The following SAMD12 variants were observed in gnomAD, a reference collection of about 807,000 sequenced individuals.
The protein encoded by SAMD12 is sterile alpha motif domain-containing protein 12.
A neutral mutation model predicts 15.0 loss-of-function variants in SAMD12; 9 were observed. The observed-to-expected ratio is 0.60, with a 90% CI of 0.36 to 1.05. The LOEUF (loss-of-function observed/expected upper bound fraction) is 1.05, where lower values mean the gene tolerates loss of function less well. Ranked by LOEUF, SAMD12 falls within the 50% of genes least tolerant of loss-of-function variation. The pLI is 0.01. For missense variants in SAMD12, 230 were observed against 234.2 expected, an observed-to-expected ratio of 0.98 and a Z score of 0.12; for synonymous variants, 86 against 90.1, an observed-to-expected ratio of 0.96 and a Z score of 0.25.
At chr8:118,179,757 C>T in the SAMD12 span, among the ~76,000 whole-genome samples, 78 of 152,326 alleles carry the variant, frequency 5.1e-4, no homozygotes, top group African/African-American at 1.8e-3. Context: ...TTGCGGTTTA[C>T]TATCTGACTT....
intron 3 of SAMD12, among the ~76,000 whole-genome samples, chr8:118,419,344 A>G (rs1442132940): frequency 6.6e-6 from 1 of 152,224 alleles, no homozygotes; most frequent in Non-Finnish European, 1.5e-5. Flanking sequence ...TTTCACACTA[A>G]TATTCTATCA....
chr8:118,259,478 A>T (rs1043929716), intron 4 of SAMD12, among the ~76,000 whole-genome samples: 1 of 152,056 alleles, frequency 6.6e-6, no homozygotes, highest in African/African-American at 2.4e-5. Context: ...GGTCCTCATA[A>T]CAAAGAAGTC....
intron 3 of SAMD12, among the ~76,000 whole-genome samples, chr8:118,389,549 C>T (rs1468690250): frequency 1.3e-4 from 20 of 151,796 alleles, no homozygotes; most frequent in Non-Finnish European, 1.5e-5. Context: ...ACTAAAAATT[C>T]AAAAAAGAAA....
At chr8:118,320,678 G>C (rs1263694798) in intron 4 of SAMD12, among the ~76,000 whole-genome samples, 3 of 147,368 alleles carry the variant, frequency 2.0e-5, no homozygotes, top group African/African-American at 7.6e-5. Flanking sequence ...GGGGTGGGGG[G>C]GGTGGGGAGG....
At chr8:118,245,969 C>T (rs2514975) in intron 4 of SAMD12, among the ~76,000 whole-genome samples, 67,401 of 151,958 alleles carry the variant, frequency 0.44, 18,378 homozygotes, top group East Asian at 0.8. Context: ...GTAGGCAGCA[C>T]GGTGGTAGCA....
At chr8:118,383,986 T>G (rs186287028) in intron 3 of SAMD12, among the ~76,000 whole-genome samples, 26 of 152,070 alleles carry the variant, frequency 1.7e-4, no homozygotes, top group Admixed American at 4.6e-4. Flanking sequence ...TAGTCATAAG[T>G]GCTCTGAAGA....
the SAMD12 span, among the ~76,000 whole-genome samples, chr8:118,152,454 C>A: frequency 2.1e-5 from 3 of 144,278 alleles, no homozygotes; most frequent in Admixed American, 7.0e-5. Context: ...CTCCCTCCCT[C>A]CCTACCTTCC....
downstream of SAMD12, chr8:118,375,877 G>A (rs1315518334): frequency 6.6e-6 from 1 of 152,092 alleles, no homozygotes; most frequent in Non-Finnish European, 1.5e-5. Context: ...AGCACATATG[G>A]ATATACATTT....
the SAMD12 span, among the ~76,000 whole-genome samples, chr8:118,142,758 C>T: frequency 1.3e-5 from 2 of 152,264 alleles, no homozygotes; most frequent in Middle Eastern, 3.4e-3. Flanking sequence ...CTGATCTCTG[C>T]AGTGCCAAGC....
chr8:118,530,520 T>C (rs1305306960), intron 2 of SAMD12, among the ~76,000 whole-genome samples: 4 of 152,164 alleles, frequency 2.6e-5, no homozygotes, highest in Admixed American at 6.5e-5. Context: ...TTTGCCCACT[T>C]TTTAATAGGG....
chr8:118,254,761 G>A (rs1242486626), intron 4 of SAMD12, among the ~76,000 whole-genome samples: 1 of 151,976 alleles, frequency 6.6e-6, no homozygotes, highest in African/African-American at 2.4e-5. Flanking sequence ...GTCCCTCCTT[G>A]ATCTCCTTGG....
intron 4 of SAMD12, among the ~76,000 whole-genome samples, chr8:118,241,612 A>T (rs1812567882): frequency 6.6e-6 from 1 of 152,096 alleles, no homozygotes; most frequent in South Asian, 2.1e-4. Flanking sequence ...GGGACAAGGG[A>T]TTTGCCTGTT....
intron 4 of SAMD12, among the ~76,000 whole-genome samples, chr8:118,218,013 T>G (rs1287017301): frequency 6.6e-6 from 1 of 152,202 alleles, no homozygotes; most frequent in African/African-American, 2.4e-5. Context: ...CATGTGGTCC[T>G]ACTGCACCTG....
intron 4 of SAMD12, among the ~76,000 whole-genome samples, chr8:118,222,102 G>C (rs1812093842): frequency 6.6e-6 from 1 of 152,154 alleles, no homozygotes; most frequent in Non-Finnish European, 1.5e-5. Flanking sequence ...AGAAAATCCT[G>C]GGTTGGCTCT....
chr8:118,171,524 T>C, the SAMD12 span, among the ~76,000 whole-genome samples: 1 of 152,202 alleles, frequency 6.6e-6, no homozygotes, highest in Admixed American at 6.5e-5. Flanking sequence ...GAAGTACTGA[T>C]ACATGATACA....
intron 4 of SAMD12, among the ~76,000 whole-genome samples, chr8:118,294,487 A>G (rs935321984): frequency 6.6e-6 from 1 of 152,198 alleles, no homozygotes; most frequent in African/African-American, 2.4e-5. Context: ...AAGCTCCTCA[A>G]TCACCAATAG....
rs139403782 is a variant in SAMD12, at chr8:118,222,706, T to C, written c.434-24974A>G. 7.8e-3 allele frequency among the ~76,000 whole-genome samples: 1,180 copies of C among 152,210 alleles called. 24 individuals are homozygous for C. The highest frequency in any genetic ancestry group is 0.027 in the African/African-American group (1,138 of 41,526). On this transcript the variant is annotated intron_variant, in intron 4 of 4. Coordinates refer to the SAMD12 transcript ENST00000409003. ...TTTTAATAGAGACGGGGTTTCACCA[T>C]GTTGGACAGGCTGGTTTCAAACTCC...
intron 2 of SAMD12, among the ~76,000 whole-genome samples, chr8:118,558,790 C>G (rs777526548): frequency 1.2e-4 from 19 of 152,238 alleles, no homozygotes; most frequent in Non-Finnish European, 2.5e-4. Context: ...ATCTCCTGAC[C>G]TCGCGATCCA....
chr8:118,620,296 G>T (rs182078486), intron 1 of SAMD12, among the ~76,000 whole-genome samples: 1 of 147,324 alleles, frequency 6.8e-6, no homozygotes, highest in African/African-American at 2.5e-5. Flanking sequence ...GACACTTAAG[G>T]AGTAGGTCAA....
Sources: gnomAD v4.1 joint callset for allele counts (sites outside exome capture counted in the v4.1 genomes callset) on GRCh38, gnomAD v4.1.1 for gene constraint, MANE v1.5 for transcripts, NCBI Gene and HGNC (gene_info 2026-07-23, HGNC 2026-07-21) for gene names.